Variants in CCDC157 observed in about 807,000 individuals in gnomAD.
CCDC157 encodes the protein coiled-coil domain-containing protein 157.
Under a neutral mutation model 70.9 loss-of-function variants are expected in CCDC157, and 60 were observed. The ratio of observed to expected loss-of-function variants is 0.85; its 90% CI spans 0.69 to 1.05. The LOEUF is 1.05. CCDC157 is among the 50% of genes least tolerant of loss of function. The pLI, the probability that CCDC157 is intolerant of heterozygous loss-of-function variation, is 0.00. For missense variants in CCDC157, 943 were observed against 984.2 expected (o/e 0.96, Z 0.56); for synonymous variants, 373 against 422.4 (o/e 0.88, Z 1.43).
At position 30,377,358 on chromosome 22, in the gene CCDC157, G is replaced by C. The variant is rs1359749026; in HGVS notation, c.*613G>C. ...GCCCCAGGAGGCCACTGAAGGCGGG[G>C]CAAGGCCTCCACCAAGCAGAGGACA... On this transcript the variant is annotated 3_prime_UTR_variant, in exon 12 of 12. Coordinates refer to ENST00000338306, the MANE Select transcript of CCDC157 (RefSeq NM_001017437.5). 6.5e-6 allele frequency: 1 copy of C among 154,712 alleles called. No individual in the cohort carries two copies. Among genetic ancestry groups the C allele is most frequent in the Non-Finnish European group, 1.4e-5 (1 of 69,642 alleles). The allele number at this position is 154,712 out of a possible 1,614,324, so 9.6% of individuals were successfully genotyped here.
rs987461955 is a variant in CCDC157 at position 30,357,048 on chromosome 22, G to C, written c.-250G>C. 1.4e-4 allele frequency: 50 copies of C among 369,596 alleles called. No individual in the cohort carries two copies. The highest frequency in any genetic ancestry group is 1.9e-4 in the Non-Finnish European group (39 of 207,872). The allele number at this position is 369,596 out of a possible 1,614,324, so 22.9% of individuals were successfully genotyped here. On this transcript the variant is annotated 5_prime_UTR_variant, in exon 1 of 12. Coordinates refer to ENST00000338306, the MANE Select transcript of CCDC157 (RefSeq NM_001017437.5). Reference sequence around the variant, plus strand: ...CCTGAGCGCCCGGCTAGGGCTTTTCGGGGATCCCGGTGGCCGCAGGCGCAC... The same window carrying C: ...CCTGAGCGCCCGGCTAGGGCTTTTCCGGGATCCCGGTGGCCGCAGGCGCAC...
chr22:30,375,832 T>C lies in CCDC157; in HGVS notation c.1857+169T>C, dbSNP rs926618496. On this transcript the variant is annotated intron_variant, in intron 10 of 11. Transcript: ENST00000338306. ...ATTTCCAGAAGGCGTGAGGATGTTA[T>C]GGATCCGATGCCTTCCAGTCCCATA... 7.4e-5 allele frequency: 47 copies of C among 633,024 alleles called. No homozygotes were observed. In the South Asian group the frequency reaches 8.2e-4, roughly 11 times the overall value. 39.2% of individuals were successfully genotyped at this position (633,024 alleles called of 1,614,324 possible).
In CCDC157 at chr22:30,369,818, A is replaced by G. The variant is rs1218959206; in HGVS notation, c.420+215A>G. The G allele has an allele frequency of 1.0e-5, 5 of 482,320 alleles. No individual in the cohort carries two copies. The East Asian group carries it at 1.3e-4, about 12-fold the overall frequency. 29.9% of individuals were successfully genotyped at this position (482,320 alleles called of 1,614,324 possible). A position where few individuals can be genotyped will look rare whatever the true frequency, so the allele number is the denominator to read the frequency against. On this transcript the variant is annotated intron_variant, in intron 4 of 11. Coordinates refer to ENST00000338306, the MANE Select transcript of CCDC157 (RefSeq NM_001017437.5). Reference sequence around the variant, plus strand: ...TCATGCCTTGCTCCCTGGCTCTGACATCCCTGTGGGACTTTGGAAAAATCT... The same window carrying G: ...TCATGCCTTGCTCCCTGGCTCTGACGTCCCTGTGGGACTTTGGAAAAATCT...
In CCDC157 at chr22:30,376,802, TA is replaced by T; in HGVS notation, c.*60del. 2 of 1,519,732 alleles carry T rather than the reference TA, an allele frequency of 1.3e-6. No individual in the cohort carries two copies. The highest frequency in any genetic ancestry group is 1.8e-6 in the Non-Finnish European group (2 of 1,115,314). The allele number at this position is 1,519,732 out of a possible 1,614,324, so 94.1% of individuals were successfully genotyped here. ...GTGGCTGGCAGCCCACCCACTGTAA[TA>T]AAGCCCCAGCCATTGGCCCACAGCA... On this transcript the variant is annotated 3_prime_UTR_variant, in exon 12 of 12. Coordinates refer to ENST00000338306, the MANE Select transcript of CCDC157 (RefSeq NM_001017437.5).
At chr22:30,365,717 A>G (rs1046043252) in intron 2 of CCDC157, among the ~76,000 whole-genome samples, 6 of 152,254 alleles carry the variant, frequency 3.9e-5, no homozygotes, top group Admixed American at 2.0e-4. Context: ...AGCCTTGAGC[A>G]GGGGGCCCAA....
At chr22:30,373,531 A>G in intron 7 of CCDC157, 66 bp from the exon 8 acceptor site, 1 of 1,518,928 alleles carries the variant, frequency 6.6e-7, no homozygotes, top group East Asian at 2.5e-5. Context: ...TAGCCTCCTT[A>G]GTTCCACATG....
In CCDC157 at chr22:30,376,688, G is replaced by A. The variant is rs771734442; in HGVS notation, c.2202G>A (p.Leu734=). ...IKVLVRLRKR[L]SPGRGQASSA... is the part of the protein sequence containing the mutation. Reference sequence around the variant, plus strand: ...TCTTGGTCAGGCTGAGAAAGAGACTGTCACCTGGCCGGGGACAGGCCAGCT... The same window carrying A: ...TCTTGGTCAGGCTGAGAAAGAGACTATCACCTGGCCGGGGACAGGCCAGCT... The change falls in exon 12 of 12, where the codon CTG becomes CTA. Residue 734 remains leucine (L), a synonymous_variant. Coordinates refer to ENST00000338306, the MANE Select transcript of CCDC157 (RefSeq NM_001017437.5). 2 of 1,613,504 alleles carry A rather than the reference G, an allele frequency of 1.2e-6. No homozygotes were observed. The highest frequency in any genetic ancestry group is 3.3e-5 in the Admixed American group (2 of 60,026).
At chr22:30,369,940 G>T in intron 4 of CCDC157, 1 of 460,226 alleles carries the variant, frequency 2.2e-6, no homozygotes, top group Non-Finnish European at 3.9e-6. Flanking sequence ...ACCACCCACT[G>T]GGGAAGAACC....
chr22:30,376,610 C>G lies in CCDC157; in HGVS notation c.2124C>G (p.Ser708=), dbSNP rs151252990. The part of the protein sequence containing the change: ...SRQPCSQPSK[S]LLEGVTHLDT... Reference sequence around the variant, plus strand: ...AGCCCTGCAGCCAGCCCAGCAAGTCCTTGCTGGAGGGTGTGACCCACTTGG... The same window carrying G: ...AGCCCTGCAGCCAGCCCAGCAAGTCGTTGCTGGAGGGTGTGACCCACTTGG... Residue 708 remains serine (S), a synonymous_variant, in exon 12 of 12, where the codon TCC becomes TCG. Transcript: ENST00000338306. 2 of 1,613,392 alleles carry G rather than the reference C, an allele frequency of 1.2e-6. No individual in the cohort carries two copies. Among genetic ancestry groups the G allele is most frequent in the African/African-American group, 2.7e-5 (2 of 74,570 alleles).
chr22:30,375,750 G>A, intron 10 of CCDC157, 87 bp downstream of exon 10: 1 of 1,204,982 alleles, frequency 8.3e-7, no homozygotes, highest in Non-Finnish European at 1.2e-6. Flanking sequence ...GGAACTTGTG[G>A]AGAGCCCACC....
Position 30,360,504 on chromosome 22 carries a change from C to CAA in CCDC157, c.-165-1444_-165-1443dup, listed in dbSNP as rs35535032. Among the ~76,000 whole-genome samples the CAA allele has an allele frequency of 2.9e-3, 372 of 130,124 alleles. 1 individual carries two copies. Among genetic ancestry groups the CAA allele is most frequent in the Non-Finnish European group, 4.5e-3 (275 of 60,890 alleles). The allele number at this position is 130,124 out of a possible 152,430, so 85.4% of individuals were successfully genotyped here. A position where few individuals can be genotyped will look rare whatever the true frequency, so the allele number is the denominator to read the frequency against. ...TGAGCGACAGAGCGAGACTCCGTCT[C>CAA]AAAAAAAAAAAAAAGTTTTCCCTGA... On this transcript the variant is annotated intron_variant, in intron 1 of 11. Coordinates refer to ENST00000338306, the MANE Select transcript of CCDC157 (RefSeq NM_001017437.5).
chr22:30,370,031 C>G (rs920186459), intron 4 of CCDC157: 4 of 522,600 alleles, frequency 7.7e-6, no homozygotes, highest in African/African-American at 3.8e-5. Context: ...TAAGCAAGAG[C>G]CCAGTAACCA....
Position 30,374,060 on chromosome 22 carries a change from C to G in CCDC157, c.1641C>G (p.Asp547Glu), listed in dbSNP as rs985056061. 3.2e-6 allele frequency: 5 copies of G among 1,582,374 alleles called. No individual in the cohort carries two copies. The highest frequency in any genetic ancestry group is 4.3e-6 in the Non-Finnish European group (5 of 1,165,734). Reference protein sequence around the residue: ...ERERLLVAFPDLHRPTETQIH... With the variant: ...ERERLLVAFPELHRPTETQIH... ...AGCGGCTGCTGGTGGCCTTCCCAGACCTGCACAGGCCCACCGAGACCCAGA... is the reference window on the plus strand; with the variant it reads ...AGCGGCTGCTGGTGGCCTTCCCAGAGCTGCACAGGCCCACCGAGACCCAGA... Residue 547 changes from aspartate (D) to glutamate (E), a missense_variant, in exon 9 of 12, where the codon GAC becomes GAG. Physicochemically the swap from Asp to Glu is conservative, Grantham distance 45. Coordinates refer to ENST00000338306, the MANE Select transcript of CCDC157 (RefSeq NM_001017437.5).
Position 30,369,418 on chromosome 22 carries a change from A to C in CCDC157, c.249-14A>C. 2.0e-6 allele frequency: 3 copies of C among 1,492,728 alleles called. No homozygotes were observed. Among genetic ancestry groups the C allele is most frequent in the Admixed American group, 4.4e-5 (2 of 45,522 alleles). The allele number at this position is 1,492,728 out of a possible 1,614,324, so 92.5% of individuals were successfully genotyped here. ...CCAGCCTGGGCCCCAGCAACCTAGC[A>C]TCTCTGCCCGCAGGCTCCTGCTGCT... On this transcript the variant is annotated splice_polypyrimidine_tract_variant and intron_variant, in intron 3 of 11. Transcript: ENST00000338306.
rs142435200 is a variant in CCDC157, at chr22:30,372,234, C to T, written c.1283C>T (p.Thr428Met). 4.3e-5 allele frequency: 68 copies of T among 1,599,532 alleles called. No homozygotes were observed. In the Middle Eastern group the frequency reaches 5.6e-4, roughly 13 times the overall value. ...GAGQQVCWASTELDKEKARVD... is the reference protein window; with the variant it reads ...GAGQQVCWASMELDKEKARVD... ...GGCCAGCAGGTCTGCTGGGCCAGCA[C>T]GGAGCTGGATAAGGAGAAGGCCCGT... Residue 428 changes from threonine (T) to methionine (M), a missense_variant, in exon 7 of 12, where the codon ACG becomes ATG. Thr to Met is a moderately conservative substitution (Grantham distance 81). Coordinates refer to ENST00000338306, the MANE Select transcript of CCDC157 (RefSeq NM_001017437.5).
In CCDC157 at chr22:30,372,235, G is replaced by T. The variant is rs146852485; in HGVS notation, c.1284G>T (p.Thr428=). 1 of 1,600,088 alleles carries T rather than the reference G, an allele frequency of 6.2e-7. No individual in the cohort carries two copies. ...GAGQQVCWAS[T]ELDKEKARVD... ...GCCAGCAGGTCTGCTGGGCCAGCAC[G>T]GAGCTGGATAAGGAGAAGGCCCGTG... Residue 428 remains threonine (T), a synonymous_variant, in exon 7 of 12, where the codon ACG becomes ACT. Transcript: ENST00000338306.
Position 30,377,859 on chromosome 22 carries a change from T to C in CCDC157, c.*1114T>C, listed in dbSNP as rs1010545440. On this transcript the variant is annotated 3_prime_UTR_variant, in exon 12 of 12. Coordinates refer to ENST00000338306, the MANE Select transcript of CCDC157 (RefSeq NM_001017437.5). Reference sequence around the variant, plus strand: ...TCAGGCGCCCACCAACTCCGTGCCATGTATTCATTAGCTCCCAGTTCTGGC... The same window carrying C: ...TCAGGCGCCCACCAACTCCGTGCCACGTATTCATTAGCTCCCAGTTCTGGC... 3.5e-5 allele frequency: 12 copies of C among 338,704 alleles called. No homozygotes were observed. Among genetic ancestry groups the C allele is most frequent in the African/African-American group, 2.2e-4 (10 of 46,484 alleles). 21.0% of individuals were successfully genotyped at this position (338,704 alleles called of 1,614,324 possible). A position where few individuals can be genotyped will look rare whatever the true frequency, so the allele number is the denominator to read the frequency against.
rs200822236 is a variant in CCDC157 at position 30,366,063 on chromosome 22, G to T, written c.63G>T (p.Leu21=). 1.7e-4 allele frequency: 270 copies of T among 1,608,296 alleles called. 1 individual carries two copies. Among genetic ancestry groups the T allele is most frequent in the Admixed American group, 8.7e-4 (52 of 60,032 alleles). The change falls in exon 3 of 12, where the codon CTG becomes CTT. Residue 21 remains leucine, a synonymous_variant. Coordinates refer to ENST00000338306, the MANE Select transcript of CCDC157 (RefSeq NM_001017437.5). The stretch of plus-strand genomic sequence containing the variant: ...GCCTGCGCACAGACCTCACCGACCT[G>T]CAGGGTGCCATCGTAGACGTCTTCT... ...MESLRTDLTD[L]QGAIVDVFSR...
intron 10 of CCDC157, 110 bp downstream of exon 10, chr22:30,375,773 G>A: frequency 2.2e-6 from 2 of 915,790 alleles, no homozygotes; most frequent in Non-Finnish European, 3.3e-6. Context: ...ATCACATGAG[G>A]CCTTAGGCTG....
Sources: allele counts gnomAD v4.1 joint callset (sites outside exome capture counted in the v4.1 genomes callset), GRCh38; gene constraint gnomAD v4.1.1; transcripts MANE v1.5; gene names NCBI Gene and HGNC (gene_info 2026-07-23, HGNC 2026-07-21).